The following RYR2 variants were observed in gnomAD, a reference collection of about 807,000 sequenced individuals.
RYR2 encodes the protein cardiac muscle ryanodine receptor-calcium release channel.
A neutral mutation model predicts 601.1 loss-of-function variants in RYR2; 227 were observed. That is an observed-to-expected ratio of 0.38 (90% CI 0.34 to 0.42). The LOEUF is 0.42. Among genes scored for constraint, RYR2 ranks in the 10% least tolerant of loss-of-function variants. The pLI, the probability that RYR2 is intolerant of heterozygous loss-of-function variation, is 1.00. For synonymous variants in RYR2, 2,223 were observed against 2,175.1 expected (o/e 1.02, Z -0.61); for missense variants, 4,646 against 6,156.5 (o/e 0.75, Z 8.21).
chr1:237,561,969 C>G (rs1198684660), intron 27 of RYR2, among the ~76,000 whole-genome samples: 1 of 151,906 alleles, frequency 6.6e-6, no homozygotes, highest in Non-Finnish European at 1.5e-5. Flanking sequence ...AGAGGAGATT[C>G]AAAACATTCA....
chr1:237,177,665 T>A (rs902467919), intron 1 of RYR2, among the ~76,000 whole-genome samples: 1 of 152,232 alleles, frequency 6.6e-6, no homozygotes, highest in African/African-American at 2.4e-5. Context: ...CACTCTATTT[T>A]GTAAATATGC....
intron 42 of RYR2, 25 bp downstream of exon 42, chr1:237,631,566 C>G: frequency 8.0e-7 from 1 of 1,248,602 alleles, no homozygotes. Flanking sequence ...TCCTGAGATG[C>G]TATTTAGTAT....
At chr1:237,828,977 T>G (rs1447543050) in intron 102 of RYR2, among the ~76,000 whole-genome samples, 2 of 152,138 alleles carry the variant, frequency 1.3e-5, no homozygotes, top group African/African-American at 2.4e-5. Flanking sequence ...CCATTCACAG[T>G]GGGACCTTTG....
At position 237,771,933 on chromosome 1, in the gene RYR2, C is replaced by A. The variant is rs1694303667; in HGVS notation, c.11558-79C>A. 3 of 758,868 alleles carry A rather than the reference C, an allele frequency of 4.0e-6. No individual in the cohort carries two copies. The East Asian group carries it at 8.1e-5, about 20-fold the overall frequency. The allele number at this position is 758,868 out of a possible 1,614,324, so 47.0% of individuals were successfully genotyped here. ...CCCACAATGATTTTGCCATAGAAAG[C>A]ATTTGCCTTTGGAGTTCTTAGAATG... On this transcript the variant is annotated intron_variant, in intron 85 of 104. Coordinates refer to ENST00000366574, the MANE Select transcript of RYR2 (RefSeq NM_001035.3).
intron 36 of RYR2, among the ~76,000 whole-genome samples, chr1:237,611,887 A>C (rs1432115153): frequency 8.5e-5 from 13 of 152,192 alleles, no homozygotes; most frequent in Admixed American, 7.9e-4. Flanking sequence ...AAATAAAATT[A>C]TAGCGTTAAC....
chr1:237,531,678 C>T (rs1486432140), intron 25 of RYR2, among the ~76,000 whole-genome samples: 1 of 152,176 alleles, frequency 6.6e-6, no homozygotes, highest in African/African-American at 2.4e-5. Context: ...TACTCAGGTG[C>T]TCCATAAGTG....
In RYR2 at chr1:237,293,247, C is replaced by T. The variant is rs146731628; in HGVS notation, c.168+22631C>T. Among the ~76,000 whole-genome samples, 315 of 152,250 alleles carry T rather than the reference C, an allele frequency of 2.1e-3. 2 individuals are homozygous for T. The highest frequency in any genetic ancestry group is 7.3e-3 in the African/African-American group (304 of 41,556). Reference sequence around the variant, plus strand: ...TGAGGGATGGAGTCTCACTCTGTTGCCCATGATGGAGTGCAGTGACACAGA... The same window carrying T: ...TGAGGGATGGAGTCTCACTCTGTTGTCCATGATGGAGTGCAGTGACACAGA... On this transcript the variant is annotated intron_variant, in intron 2 of 104. Coordinates refer to ENST00000366574, the MANE Select transcript of RYR2 (RefSeq NM_001035.3).
At chr1:237,814,004 A>G (rs571456550) in intron 100 of RYR2, among the ~76,000 whole-genome samples, 1 of 152,326 alleles carries the variant, frequency 6.6e-6, no homozygotes, top group South Asian at 2.1e-4. Flanking sequence ...GAGTCTGTGT[A>G]GCATTACACA....
chr1:237,344,134 T>A (rs1168282714), intron 3 of RYR2, among the ~76,000 whole-genome samples: 1 of 152,168 alleles, frequency 6.6e-6, no homozygotes, highest in African/African-American at 2.4e-5. Flanking sequence ...CCATAAGGGG[T>A]TTTTAGTTCC....
chr1:237,760,845 TA>T, intron 83 of RYR2, 109 bp from the exon 84 acceptor site: 1 of 519,078 alleles, frequency 1.9e-6, no homozygotes, highest in Non-Finnish European at 3.5e-6. Flanking sequence ...CAGTGTACGT[TA>T]ACATTTGCTT....
In RYR2 at chr1:237,648,400, A is replaced by G. The variant is rs186924573; in HGVS notation, c.7343-44A>G. ...AGCAGCCATTTGTAATCTATCCTGT[A>G]TATGACACAGCCATTGACACCAAAA... is the stretch of plus-strand genomic sequence containing the variant. On this transcript the variant is annotated intron_variant, in intron 48 of 104. Coordinates refer to ENST00000366574, the MANE Select transcript of RYR2 (RefSeq NM_001035.3). 6.9e-5 allele frequency: 105 copies of G among 1,529,102 alleles called. No individual in the cohort carries two copies. In the East Asian group the frequency reaches 1.7e-3, roughly 25 times the overall value. The allele number at this position is 1,529,102 out of a possible 1,614,324, so 94.7% of individuals were successfully genotyped here.
At chr1:237,463,273 C>T (rs745497679) in intron 16 of RYR2, among the ~76,000 whole-genome samples, 1 of 152,142 alleles carries the variant, frequency 6.6e-6, no homozygotes, top group Non-Finnish European at 1.5e-5. Flanking sequence ...TTCATTTCCT[C>T]TGTACCTCCA....
chr1:237,775,290 A>C (rs1325542807), intron 87 of RYR2, among the ~76,000 whole-genome samples: 1 of 152,166 alleles, frequency 6.6e-6, no homozygotes, highest in Non-Finnish European at 1.5e-5. Flanking sequence ...CACATTTGTC[A>C]AAACTAAGAA....
intron 1 of RYR2, among the ~76,000 whole-genome samples, chr1:237,177,236 A>T (rs1678156605): frequency 1.3e-5 from 2 of 152,344 alleles, no homozygotes; most frequent in Admixed American, 1.3e-4. Context: ...GCAATATGTC[A>T]TGACATATCA....
chr1:237,776,855 G>A (rs1379585137), intron 87 of RYR2, among the ~76,000 whole-genome samples: 1 of 152,092 alleles, frequency 6.6e-6, no homozygotes, highest in Non-Finnish European at 1.5e-5. Context: ...TCCAGTGCCT[G>A]GAAATGACTC....
intron 80 of RYR2, among the ~76,000 whole-genome samples, chr1:237,747,216 G>C (rs1234560721): frequency 6.6e-6 from 1 of 152,168 alleles, no homozygotes; most frequent in Non-Finnish European, 1.5e-5. Flanking sequence ...CAAATACTGG[G>C]CAAGCTGCAT....
chr1:237,293,585 C>T (rs1692459225), intron 2 of RYR2, among the ~76,000 whole-genome samples: 2 of 152,056 alleles, frequency 1.3e-5, no homozygotes, highest in African/African-American at 4.8e-5. Flanking sequence ...TCAGGGGTTC[C>T]CATGATCCCC....
In RYR2 at chr1:237,575,976, A is replaced by G. The variant is rs540594765; in HGVS notation, c.3598+6657A>G. 2.4e-3 allele frequency among the ~76,000 whole-genome samples: 340 copies of G among 143,500 alleles called. 3 individuals are homozygous for G. Among genetic ancestry groups the G allele is most frequent in the African/African-American group, 8.8e-3 (327 of 37,172 alleles). 94.1% of individuals were successfully genotyped at this position (143,500 alleles called of 152,430 possible). On this transcript the variant is annotated intron_variant, in intron 29 of 104. Transcript: ENST00000366574. ...TTCTAGCAGCAGTTAAGAAAAGTAAATTAAAGATACCATTTACAGTAGCAT... is the reference window on the plus strand; with the variant it reads ...TTCTAGCAGCAGTTAAGAAAAGTAAGTTAAAGATACCATTTACAGTAGCAT...
rs140151334 is a variant in RYR2, at chr1:237,558,086, G to C, written c.3214+7395G>C. 2.2e-3 allele frequency among the ~76,000 whole-genome samples: 330 copies of C among 152,292 alleles called. 2 individuals carry two copies. The highest frequency in any genetic ancestry group is 4.2e-3 in the Non-Finnish European group (284 of 68,032). On this transcript the variant is annotated intron_variant, in intron 27 of 104. Coordinates refer to ENST00000366574, the MANE Select transcript of RYR2 (RefSeq NM_001035.3). ...CAGTAAGAGGAGCTTGATGAGCTGT[G>C]GTCTCTGAGAAGGTTGAAGGGAATG...
Sources: allele counts gnomAD v4.1 joint callset (sites outside exome capture counted in the v4.1 genomes callset), GRCh38; gene constraint gnomAD v4.1.1; transcripts MANE v1.5; gene names NCBI Gene and HGNC (gene_info 2026-07-23, HGNC 2026-07-21).